Variants in RARA observed in about 807,000 individuals in gnomAD.
The protein encoded by RARA is retinoic acid receptor alpha, also known as PML-DDX5-RARA fusion.
In RARA, 5 loss-of-function variants were observed where a neutral mutation model predicts 42.8. The observed-to-expected ratio is 0.12, with a 90% CI of 0.06 to 0.25. RARA has a LOEUF of 0.25. Among genes scored for constraint, RARA ranks in the 10% least tolerant of loss-of-function variants. The pLI, the probability that RARA is intolerant of heterozygous loss-of-function variation, is 1.00. For synonymous variants in RARA, 256 were observed against 259.5 expected, an observed-to-expected ratio of 0.99 and a Z score of 0.13; for missense variants, 402 against 628.7, an observed-to-expected ratio of 0.64 and a Z score of 3.86.
At position 40,342,614 on chromosome 17, in the gene RARA, C is replaced by T. The variant is rs950631342; in HGVS notation, c.179-5702C>T. On this transcript the variant is annotated intron_variant, in intron 2 of 8. Coordinates refer to ENST00000254066, the MANE Select transcript of RARA (RefSeq NM_000964.4). Reference sequence around the variant, plus strand: ...GGGCGAGGGGACGTCTCCTCTCCCCCAGCTGCTCTGCTCGGATGGCGCCGC... The same window carrying T: ...GGGCGAGGGGACGTCTCCTCTCCCCTAGCTGCTCTGCTCGGATGGCGCCGC... The T allele has an allele frequency of 4.0e-6, 6 of 1,509,558 alleles. No individual in the cohort carries two copies. In the African/African-American group the frequency reaches 4.2e-5, roughly 11 times the overall value. The allele number at this position is 1,509,558 out of a possible 1,614,324, so 93.5% of individuals were successfully genotyped here.
intron 2 of RARA, among the ~76,000 whole-genome samples, chr17:40,336,296 G>A (rs983898928): frequency 6.6e-6 from 1 of 152,118 alleles, no homozygotes; most frequent in African/African-American, 2.4e-5. Context: ...GGCTGGTCTT[G>A]AACTCCTGAC....
At chr17:40,323,469 G>A (rs889726862) in intron 1 of RARA, among the ~76,000 whole-genome samples, 1 of 152,040 alleles carries the variant, frequency 6.6e-6, no homozygotes, top group Non-Finnish European at 1.5e-5. Flanking sequence ...AAGGGGCTGT[G>A]GGGCAGGGTC....
In RARA at chr17:40,351,422, C is replaced by T. The variant is rs561057507; in HGVS notation, c.470-488C>T. 80 of 461,232 alleles carry T rather than the reference C, an allele frequency of 1.7e-4. No homozygotes were observed. Among genetic ancestry groups the T allele is most frequent in the Non-Finnish European group, 2.9e-4 (64 of 221,394 alleles). The allele number at this position is 461,232 out of a possible 1,614,324, so 28.6% of individuals were successfully genotyped here. A position where few individuals can be genotyped will look rare whatever the true frequency, so the allele number is the denominator to read the frequency against. On this transcript the variant is annotated intron_variant, in intron 4 of 8. Transcript: ENST00000254066. This position sits in a 1 kb window ranked among gnomAD's most constrained non-coding sequence, Gnocchi z 4.1. ...AGCTAATGGGCCAAGAGATTCTCCC[C>T]GCCAGGTCCCCCACTCTCAGGCTGG...
In RARA at chr17:40,351,277, A is replaced by G. The variant is rs1275173060; in HGVS notation, c.470-633A>G. 9.1e-5 allele frequency: 8 copies of G among 87,546 alleles called. No homozygotes were observed. The highest frequency in any genetic ancestry group is 1.5e-4 in the Non-Finnish European group (6 of 41,322). 5.4% of individuals were successfully genotyped at this position (87,546 alleles called of 1,614,324 possible). A position where few individuals can be genotyped will look rare whatever the true frequency, so the allele number is the denominator to read the frequency against. On this transcript the variant is annotated intron_variant, in intron 4 of 8. Transcript: ENST00000254066. The surrounding 1 kb of genome is among the most constrained non-coding windows in gnomAD (Gnocchi z 4.1). ...CTCCCTTCCTCCCGCGTCAGCAGCC[A>G]CCACCACCAGCCCTGTGAGTGATTG...
intron 1 of RARA, among the ~76,000 whole-genome samples, chr17:40,313,541 C>A (rs974400048): frequency 2.6e-5 from 4 of 152,134 alleles, no homozygotes; most frequent in Admixed American, 2.0e-4. Context: ...GAATGGCACC[C>A]CCTGGGGTTG....
rs1436391398 is a variant in RARA, at chr17:40,343,040, C to T, written c.179-5276C>T. 6 of 1,331,216 alleles carry T rather than the reference C, an allele frequency of 4.5e-6. No individual in the cohort carries two copies. The African/African-American group carries it at 6.0e-5, about 13-fold the overall frequency. 82.5% of individuals were successfully genotyped at this position (1,331,216 alleles called of 1,614,324 possible). On this transcript the variant is annotated intron_variant, in intron 2 of 8. Coordinates refer to ENST00000254066, the MANE Select transcript of RARA (RefSeq NM_000964.4). ...GAACCCTCCCGGCCGCACCCTCCCC[C>T]CAGTAACCCTAAGTGCAATTTGTGT... is the stretch of plus-strand genomic sequence containing the variant.
At chr17:40,342,049 C>A in intron 2 of RARA, 1 of 1,054,084 alleles carries the variant, frequency 9.5e-7, no homozygotes, top group East Asian at 5.5e-5. Context: ...CCGCTGCAGC[C>A]GGACGCGCCG....
chr17:40,313,256 G>A (rs529476244), intron 1 of RARA, among the ~76,000 whole-genome samples: 1 of 152,190 alleles, frequency 6.6e-6, no homozygotes, highest in Admixed American at 6.5e-5. Context: ...GTGGGTCATG[G>A]TGGTTGTTTG....
At chr17:40,344,981 C>T (rs546590624) in intron 2 of RARA, among the ~76,000 whole-genome samples, 1 of 152,352 alleles carries the variant, frequency 6.6e-6, no homozygotes, top group South Asian at 2.1e-4. Flanking sequence ...CTCCCCTTTA[C>T]TGCCACTGAA....
intron 1 of RARA, chr17:40,323,212 G>A (rs1484913673): frequency 6.6e-6 from 1 of 152,238 alleles, no homozygotes; most frequent in African/African-American, 2.4e-5. Flanking sequence ...CTGAGTGCTG[G>A]GGAGACTGTG....
intron 1 of RARA, among the ~76,000 whole-genome samples, chr17:40,312,671 C>G (rs1399500049): frequency 1.3e-5 from 2 of 152,140 alleles, no homozygotes; most frequent in African/African-American, 4.8e-5. Flanking sequence ...GGGCATGACC[C>G]AGGTAGATGG....
At chr17:40,349,107 T>G (rs1399939658) in intron 3 of RARA, 2 of 155,124 alleles carry the variant, frequency 1.3e-5, no homozygotes, top group Non-Finnish European at 2.9e-5. Context: ...CTCTTCAGCC[T>G]GGAGTAGCTA....
rs945934228 is a variant in RARA, at chr17:40,351,240, C to T, written c.470-670C>T. ...CCACCTCGCTACCCCCTCCCTGAGC[C>T]CCTCCCCCACCCTCCCTTCCTCCCG... On this transcript the variant is annotated intron_variant, in intron 4 of 8. Coordinates refer to ENST00000254066, the MANE Select transcript of RARA (RefSeq NM_000964.4). This position sits in a 1 kb window ranked among gnomAD's most constrained non-coding sequence, Gnocchi z 4.1. The T allele has an allele frequency of 5.3e-6, 1 of 188,906 alleles. No individual in the cohort carries two copies. The highest frequency in any genetic ancestry group is 2.4e-5 in the African/African-American group (1 of 41,878). 11.7% of individuals were successfully genotyped at this position (188,906 alleles called of 1,614,324 possible).
rs189608051 is a variant in RARA, at chr17:40,328,903, G to A, written c.-362-1954G>A. On this transcript the variant is annotated intron_variant, in intron 1 of 8. Coordinates refer to ENST00000254066, the MANE Select transcript of RARA (RefSeq NM_000964.4). The stretch of plus-strand genomic sequence containing the variant: ...TGTATAAGTCTTTCTGTGGACTTAC[G>A]TTGTCATATCTCTTGGGTAGATACC... Among the ~76,000 whole-genome samples, 261 of 152,230 alleles carry A rather than the reference G, an allele frequency of 1.7e-3. 3 individuals are homozygous for A. Among genetic ancestry groups the A allele is most frequent in the African/African-American group, 5.9e-3 (244 of 41,524 alleles).
Position 40,351,799 on chromosome 17 carries a change from T to C in RARA, c.470-111T>C. 9.1e-6 allele frequency: 13 copies of C among 1,428,490 alleles called. No individual in the cohort carries two copies. Among genetic ancestry groups the C allele is most frequent in the Non-Finnish European group, 1.2e-5 (13 of 1,061,904 alleles). The allele number at this position is 1,428,490 out of a possible 1,614,324, so 88.5% of individuals were successfully genotyped here. A position where few individuals can be genotyped will look rare whatever the true frequency, so the allele number is the denominator to read the frequency against. On this transcript the variant is annotated intron_variant, in intron 4 of 8. Coordinates refer to ENST00000254066, the MANE Select transcript of RARA (RefSeq NM_000964.4). The surrounding 1 kb of genome is among the most constrained non-coding windows in gnomAD (Gnocchi z 4.1). ...GTGAACGCGTGCTGTGTGCGCGTGCTTACAAGCCTGGGTGACCTCCTCAGC... is the reference window on the plus strand; with the variant it reads ...GTGAACGCGTGCTGTGTGCGCGTGCCTACAAGCCTGGGTGACCTCCTCAGC...
intron 1 of RARA, among the ~76,000 whole-genome samples, chr17:40,319,041 G>A (rs1391362433): frequency 6.6e-6 from 1 of 152,202 alleles, no homozygotes; most frequent in Non-Finnish European, 1.5e-5. Context: ...TGGGGTGTGG[G>A]AACTTTTTGG....
chr17:40,344,003 G>A (rs768990369), intron 2 of RARA, among the ~76,000 whole-genome samples: 2 of 152,030 alleles, frequency 1.3e-5, no homozygotes, highest in Admixed American at 6.5e-5. Flanking sequence ...TGGGCTTTGG[G>A]CTCTTTGCTG....
intron 2 of RARA, chr17:40,342,608 C>T (rs1435759878): frequency 2.0e-6 from 3 of 1,468,140 alleles, no homozygotes; most frequent in East Asian, 2.5e-5. Context: ...GACGTCTCCT[C>T]TCCCCCAGCT....
rs367819767 is a variant in RARA at position 40,356,634 on chromosome 17, C to A, written c.*408C>A. On this transcript the variant is annotated 3_prime_UTR_variant, in exon 9 of 9. Transcript: ENST00000254066. ...CTCCCCAGCTGGGGAACCTCAACCT[C>A]CCCCCTGCCTCGGTTGGTGACAGAG... 1.8e-6 allele frequency: 1 copy of A among 541,732 alleles called. No homozygotes were observed. The highest frequency in any genetic ancestry group is 3.6e-6 in the Non-Finnish European group (1 of 281,620). The allele number at this position is 541,732 out of a possible 1,614,324, so 33.6% of individuals were successfully genotyped here. A position where few individuals can be genotyped will look rare whatever the true frequency, so the allele number is the denominator to read the frequency against.
Sources: allele counts gnomAD v4.1 joint callset (sites outside exome capture counted in the v4.1 genomes callset), GRCh38; gene constraint gnomAD v4.1.1; non-coding constraint Gnocchi (gnomAD v3.1); transcripts MANE v1.5; gene names NCBI Gene and HGNC (gene_info 2026-07-23, HGNC 2026-07-21).